Variants in TRIM42 observed in about 807,000 individuals in gnomAD.
The protein encoded by TRIM42 is tripartite motif containing 42.
A neutral mutation model predicts 64.9 loss-of-function variants in TRIM42; 59 were observed. The ratio of observed to expected loss-of-function variants is 0.91; its 90% CI spans 0.74 to 1.13. The LOEUF is 1.13. Among genes scored for constraint, TRIM42 ranks in the 50% most tolerant of loss-of-function variants. The probability of loss-of-function intolerance (pLI) is 0.00; values close to 1 mark genes in which losing one functional copy is unlikely to be tolerated. For synonymous variants in TRIM42, 354 were observed against 346.3 expected (o/e 1.02, Z -0.25); for missense variants, 878 against 929.5 (o/e 0.94, Z 0.72).
intron 4 of TRIM42, among the ~76,000 whole-genome samples, chr3:140,694,505 C>T (rs922871922): frequency 6.6e-6 from 1 of 152,214 alleles, no homozygotes; most frequent in African/African-American, 2.4e-5. Context: ...TGAAAACAGT[C>T]TCCTTACTTT....
chr3:140,698,049 G>A (rs1374023591), intron 4 of TRIM42, among the ~76,000 whole-genome samples: 2 of 152,124 alleles, frequency 1.3e-5, no homozygotes, highest in African/African-American at 4.8e-5. Context: ...TCTATTACAT[G>A]CCATGGGTCT....
chr3:140,699,797 T>C (rs1049049901), intron 4 of TRIM42, among the ~76,000 whole-genome samples: 6 of 152,202 alleles, frequency 3.9e-5, no homozygotes, highest in African/African-American at 1.4e-4. Flanking sequence ...TAATCTAATA[T>C]CATGTATATA....
Position 140,688,158 on chromosome 3 carries a change from A to G in TRIM42, c.1476A>G (p.Thr492=). ...LSSAIHELFP[T]GPKKVRSSGD... is the part of the protein sequence containing the mutation. ...GTGCCATCCATGAGCTCTTCCCCACAGGGCCCAAGAAGGTACGCTCCTCAG... is the reference window on the plus strand; with the variant it reads ...GTGCCATCCATGAGCTCTTCCCCACGGGGCCCAAGAAGGTACGCTCCTCAG... The change falls in exon 3 of 5, where the codon ACA becomes ACG. Residue 492 remains threonine (T), a synonymous_variant. Transcript: ENST00000286349. 2.5e-6 allele frequency: 4 copies of G among 1,614,090 alleles called. No homozygotes were observed. The highest frequency in any genetic ancestry group is 3.4e-6 in the Non-Finnish European group (4 of 1,180,010).
Position 140,687,765 on chromosome 3 carries a change from AAAAAACAGCTTTAAAGCTGACAAGGAGGC to A in TRIM42, c.1087_1115del (p.Asn363AlafsTer38). 6.2e-7 allele frequency: 1 copy of A among 1,613,514 alleles called. No individual in the cohort carries two copies. Among genetic ancestry groups the A allele is most frequent in the Non-Finnish European group, 8.5e-7 (1 of 1,179,868 alleles). On this transcript the variant is annotated frameshift_variant, in exon 3 of 5. Transcript: ENST00000286349. LOFTEE classifies it high-confidence loss of function. The stretch of plus-strand genomic sequence containing the variant: ...ATGACCTAATGGAATTCAACATCTT[AAAAAACAGCTTTAAAGCTGACAAGGAGGC>A]AAAGCGAAAAGAGATCAGAAATGGC...
At chr3:140,680,041 C>T (rs1184173335) in intron 1 of TRIM42, among the ~76,000 whole-genome samples, 1 of 151,956 alleles carries the variant, frequency 6.6e-6, no homozygotes, top group Non-Finnish European at 1.5e-5. Flanking sequence ...CAGTAAGAAT[C>T]CAGGTGCAAG....
At chr3:140,691,733 G>A (rs1378010299) in intron 4 of TRIM42, among the ~76,000 whole-genome samples, 1 of 152,082 alleles carries the variant, frequency 6.6e-6, no homozygotes, top group East Asian at 1.9e-4. Flanking sequence ...CACTAAGCAG[G>A]TCAGTGTGCC....
At chr3:140,699,666 C>T (rs531492985) in intron 4 of TRIM42, among the ~76,000 whole-genome samples, 19 of 152,158 alleles carry the variant, frequency 1.2e-4, no homozygotes, top group Non-Finnish European at 1.3e-4. Flanking sequence ...CCTAACACCT[C>T]GTAACACCGT....
At chr3:140,700,434 G>A (rs1423993584) in intron 4 of TRIM42, among the ~76,000 whole-genome samples, 1 of 152,132 alleles carries the variant, frequency 6.6e-6, no homozygotes, top group Non-Finnish European at 1.5e-5. Context: ...CCACAGAGAT[G>A]AAAGACTATC....
intron 4 of TRIM42, among the ~76,000 whole-genome samples, chr3:140,697,385 T>C (rs936881853): frequency 9.9e-5 from 15 of 152,194 alleles, no homozygotes; most frequent in Non-Finnish European, 2.9e-5. Context: ...TAGCTTAACC[T>C]TTTGAAGTTT....
At chr3:140,683,924 G>A (rs1391026520) in intron 2 of TRIM42, among the ~76,000 whole-genome samples, 2 of 152,144 alleles carry the variant, frequency 1.3e-5, no homozygotes, top group African/African-American at 4.8e-5. Flanking sequence ...TATTTCACAG[G>A]ATTCAGCAAA....
chr3:140,697,636 T>G (rs926607474), intron 4 of TRIM42, among the ~76,000 whole-genome samples: 4 of 152,206 alleles, frequency 2.6e-5, no homozygotes, highest in African/African-American at 9.6e-5. Context: ...TTATTCATAT[T>G]TATACAATGG....
chr3:140,694,094 T>C (rs1988790095), intron 4 of TRIM42, among the ~76,000 whole-genome samples: 1 of 152,224 alleles, frequency 6.6e-6, no homozygotes, highest in Non-Finnish European at 1.5e-5. Flanking sequence ...CCCTGCACCA[T>C]GCTCAAATGG....
chr3:140,678,970 C>T (rs1988285642), intron 1 of TRIM42, among the ~76,000 whole-genome samples: 1 of 152,102 alleles, frequency 6.6e-6, no homozygotes, highest in African/African-American at 2.4e-5. Context: ...CAGGATCACA[C>T]AGCTGGAAAG....
chr3:140,687,059 C>T (rs1988562379), intron 2 of TRIM42, among the ~76,000 whole-genome samples: 1 of 152,088 alleles, frequency 6.6e-6, no homozygotes, highest in East Asian at 1.9e-4. Flanking sequence ...ATCCAAATGC[C>T]ATATGAGGGG....
intron 1 of TRIM42, among the ~76,000 whole-genome samples, chr3:140,678,874 C>T (rs1214008850): frequency 1.3e-5 from 2 of 152,172 alleles, no homozygotes; most frequent in Non-Finnish European, 2.9e-5. Context: ...ACTTGCCAGG[C>T]ACTTCATGCA....
At chr3:140,691,863 A>G (rs981613562) in intron 4 of TRIM42, among the ~76,000 whole-genome samples, 1 of 152,144 alleles carries the variant, frequency 6.6e-6, no homozygotes, top group African/African-American at 2.4e-5. Flanking sequence ...AAAAGGAGAA[A>G]GAGAATAAAA....
intron 1 of TRIM42, 42 bp from the exon 2 acceptor site, chr3:140,682,420 T>C (rs748507935): frequency 6.4e-7 from 1 of 1,567,010 alleles, no homozygotes; most frequent in Non-Finnish European, 8.7e-7. Flanking sequence ...AGCAAGCTCT[T>C]GAGCCTGCCT....
Position 140,683,147 on chromosome 3 carries a change from AAGTTCAAAGCAGGTCC to A in TRIM42, c.1028_1039+4del, listed in dbSNP as rs1182068487. ...CGCCTCACTCTTCAGCGCCATCGCCAAGTTCAAAGCAGGTCCTCCCCTTTTCCACTCCTTCAGCCTA... is the reference window on the plus strand; with the variant it reads ...CGCCTCACTCTTCAGCGCCATCGCCATCCCCTTTTCCACTCCTTCAGCCTA... On this transcript the variant is annotated splice_donor_variant and splice_donor_region_variant and coding_sequence_variant and intron_variant, in exon 2 of 5. Transcript: ENST00000286349. LOFTEE classifies it high-confidence loss of function. 1.2e-6 allele frequency: 2 copies of A among 1,613,944 alleles called. No individual in the cohort carries two copies. The highest frequency in any genetic ancestry group is 1.7e-6 in the Non-Finnish European group (2 of 1,179,958).
Position 140,683,304 on chromosome 3 carries a change from G to T in TRIM42, c.1039+145G>T, listed in dbSNP as rs564993799. 396 of 855,762 alleles carry T rather than the reference G, an allele frequency of 4.6e-4. 1 individual carries two copies. Among genetic ancestry groups the T allele is most frequent in the Middle Eastern group, 1.5e-3 (5 of 3,294 alleles). 53.0% of individuals were successfully genotyped at this position (855,762 alleles called of 1,614,324 possible). A position where few individuals can be genotyped will look rare whatever the true frequency, so the allele number is the denominator to read the frequency against. On this transcript the variant is annotated intron_variant, in intron 2 of 4. Coordinates refer to ENST00000286349, the MANE Select transcript of TRIM42 (RefSeq NM_152616.5). ...GCACCAGGAAACACTGTGCTACCCTGCAAGTCACTATCCTGGTGTCCGCTC... is the reference window on the plus strand; with the variant it reads ...GCACCAGGAAACACTGTGCTACCCTTCAAGTCACTATCCTGGTGTCCGCTC...
Sources: allele counts gnomAD v4.1 joint callset (sites outside exome capture counted in the v4.1 genomes callset), GRCh38; gene constraint gnomAD v4.1.1; transcripts MANE v1.5; gene names NCBI Gene and HGNC (gene_info 2026-07-23, HGNC 2026-07-21).